MAZ: variants seen among roughly 807,000 people sequenced by gnomAD.
MAZ encodes the protein MYC associated zinc finger protein, also known as myc-associated zinc finger protein.
A neutral mutation model predicts 32.7 loss-of-function variants in MAZ; 4 were observed. The ratio of observed to expected loss-of-function variants is 0.12; its 90% CI spans 0.06 to 0.28. The LOEUF is 0.28. Among genes scored for constraint, MAZ ranks in the 10% least tolerant of loss-of-function variants. MAZ has a pLI of 1.00. For synonymous variants in MAZ, 510 were observed against 297.6 expected (o/e 1.71, Z -7.35); for missense variants, 763 against 667.2 (o/e 1.14, Z -1.58).
At position 29,807,558 on chromosome 16, in the gene MAZ, C is replaced by T. The variant is rs1028155115; in HGVS notation, c.773C>T (p.Ala258Val). The change falls in exon 2 of 5, where the codon GCC becomes GTC. Residue 258 changes from alanine to valine, a missense_variant. Ala to Val is a moderately conservative substitution (Grantham distance 64, BLOSUM62 0). Transcript: ENST00000322945. The stretch of plus-strand genomic sequence containing the variant: ...GAGGCGGGTGCCGGCGGCGGCGCTG[C>T]CGCAGTGGCCGCCGGTGGCGTGGTG... ...GGEAGAGGGAAAVAAGGVVTT... is the reference protein window; with the variant it reads ...GGEAGAGGGAVAVAAGGVVTT... 3.1e-6 allele frequency: 5 copies of T among 1,603,210 alleles called. No individual in the cohort carries two copies. Among genetic ancestry groups the T allele is most frequent in the African/African-American group, 2.7e-5 (2 of 74,438 alleles).
intron 4 of MAZ, 127 bp from the exon 5 acceptor site, chr16:29,809,950 T>C: frequency 6.8e-7 from 1 of 1,463,256 alleles, no homozygotes; most frequent in Non-Finnish European, 9.2e-7. Flanking sequence ...GGCTGAGGCC[T>C]CTGGGGTCCA....
Position 29,807,478 on chromosome 16 carries a change from G to GCCCCTGAGC in MAZ, c.695_703dup (p.Pro232_Ser234dup). ...GTGCTATGAAGATGCCGACCATGGTGCCCCTGAGCCTCCTGAGCGTGCCCC... is the reference window on the plus strand; with the variant it reads ...GTGCTATGAAGATGCCGACCATGGTGCCCCTGAGCCCCCTGAGCCTCCTGAGCGTGCCCC... On this transcript the variant is annotated inframe_insertion, in exon 2 of 5. Coordinates refer to ENST00000322945, the MANE Select transcript of MAZ (RefSeq NM_002383.4). 1 of 1,612,294 alleles carries GCCCCTGAGC rather than the reference G, an allele frequency of 6.2e-7. No individual in the cohort carries two copies. Among genetic ancestry groups the GCCCCTGAGC allele is most frequent in the Non-Finnish European group, 8.5e-7 (1 of 1,179,706 alleles).
intron 3 of MAZ, 65 bp downstream of exon 3, chr16:29,808,358 T>G: frequency 6.8e-7 from 1 of 1,461,088 alleles, no homozygotes; most frequent in Non-Finnish European, 9.6e-7. Context: ...GCTGTCTGAG[T>G]CAGTCTCTCA....
Position 29,806,552 on chromosome 16 carries a change from C to T in MAZ, c.-150C>T. ...CCCTCTTTTCCTCCCTCCCGCCGGC[C>T]GGGGTGCGCGGGCGGCGGGGCGGCC... On this transcript the variant is annotated 5_prime_UTR_variant, in exon 1 of 5. Transcript: ENST00000322945. 1 of 902,478 alleles carries T rather than the reference C, an allele frequency of 1.1e-6. No homozygotes were observed. The highest frequency in any genetic ancestry group is 1.3e-6 in the Non-Finnish European group (1 of 761,694). The allele number at this position is 902,478 out of a possible 1,614,324, so 55.9% of individuals were successfully genotyped here.
chr16:29,807,397 T>C lies in MAZ; in HGVS notation c.612T>C (p.Asn204=), dbSNP rs1488363272. ...LCAKEFKNGY[N]LRRHEAIHTG... is the part of the protein sequence containing the mutation. ...CCAAGGAGTTCAAGAACGGCTACAA[T>C]CTCCGGAGGCACGAAGCCATCCACA... Residue 204 remains asparagine (N), a synonymous_variant, in exon 2 of 5, where the codon AAT becomes AAC. Transcript: ENST00000322945. 6.2e-7 allele frequency: 1 copy of C among 1,612,094 alleles called. No homozygotes were observed. The highest frequency in any genetic ancestry group is 1.7e-5 in the Admixed American group (1 of 60,000).
chr16:29,808,185 G>A, intron 2 of MAZ, 45 bp from the exon 3 acceptor site: 1 of 1,548,376 alleles, frequency 6.5e-7, no homozygotes, highest in Non-Finnish European at 8.9e-7. Context: ...GGTGGATTTG[G>A]GGCGCACCAC....
In MAZ at chr16:29,808,215, C is replaced by T; in HGVS notation, c.1044-15C>T. On this transcript the variant is annotated splice_polypyrimidine_tract_variant and intron_variant, in intron 2 of 4. Coordinates refer to ENST00000322945, the MANE Select transcript of MAZ (RefSeq NM_002383.4). ...CACCACCTCCGCCCTAACCCCAACCCCAACGTGTCCCCAGGCCGGATCACC... is the reference window on the plus strand; with the variant it reads ...CACCACCTCCGCCCTAACCCCAACCTCAACGTGTCCCCAGGCCGGATCACC... The T allele has an allele frequency of 6.2e-7, 1 of 1,613,394 alleles. No homozygotes were observed.
chr16:29,806,949 G>C (rs1899513140), intron 1 of MAZ, 29 bp from the exon 2 acceptor site: 1 of 1,131,776 alleles, frequency 8.8e-7, no homozygotes, highest in African/African-American at 1.7e-5. Context: ...GCCCGCACCC[G>C]CGGCCCACTC....
At position 29,810,618 on chromosome 16, in the gene MAZ, C is replaced by T. The variant is rs370477486; in HGVS notation, c.*387C>T. On this transcript the variant is annotated 3_prime_UTR_variant, in exon 5 of 5. Coordinates refer to ENST00000322945, the MANE Select transcript of MAZ (RefSeq NM_002383.4). ...CTTCTCTCCTTCCAGTCCTCTCCCC[C>T]TGCTGTCTGCAGCCCCTCCCCGGGG... The T allele has an allele frequency of 4.7e-6, 3 of 637,874 alleles. No individual in the cohort carries two copies. The highest frequency in any genetic ancestry group is 2.4e-4 in the Middle Eastern group (1 of 4,086). The allele number at this position is 637,874 out of a possible 1,614,324, so 39.5% of individuals were successfully genotyped here.
Position 29,809,778 on chromosome 16 carries a change from C to T in MAZ, c.1280-299C>T, listed in dbSNP as rs1320528954. 7.5e-6 allele frequency: 10 copies of T among 1,329,896 alleles called. No individual in the cohort carries two copies. In the Admixed American group the frequency reaches 2.1e-4, roughly 27 times the overall value. 82.4% of individuals were successfully genotyped at this position (1,329,896 alleles called of 1,614,324 possible). A position where few individuals can be genotyped will look rare whatever the true frequency, so the allele number is the denominator to read the frequency against. ...CGCACCCACCAGGCAAGGCGTGGGG[C>T]ATGGCTGGGGGGCGGGATGGGGGGT... On this transcript the variant is annotated intron_variant, in intron 4 of 4. Transcript: ENST00000322945.
At position 29,806,921 on chromosome 16, in the gene MAZ, G is replaced by T. The variant is rs760860266; in HGVS notation, c.192+28G>T. 3.2e-6 allele frequency: 4 copies of T among 1,258,364 alleles called. No individual in the cohort carries two copies. The African/African-American group carries it at 6.5e-5, about 21-fold the overall frequency. The allele number at this position is 1,258,364 out of a possible 1,614,324, so 77.9% of individuals were successfully genotyped here. ...GAGTAGGGCCGGCCGCGGCGGCCCG[G>T]GCTGGGGGGGGACGCCCGCCCGCAC... On this transcript the variant is annotated intron_variant, in intron 1 of 4. Transcript: ENST00000322945.
Position 29,810,134 on chromosome 16 carries a change from C to G in MAZ, c.1337C>G (p.Ala446Gly). ...GCGGCAGCGGCGGCAGCGGCAGCAG[C>G]GGCAGCAGTAGCAGCCCCTCCCACA... ...AAAAAAAAAAAAAVAAPPTAV... is the reference protein window; with the variant it reads ...AAAAAAAAAAGAAVAAPPTAV... Residue 446 changes from alanine to glycine, a missense_variant, in exon 5 of 5, where the codon GCG becomes GGG. Physicochemically the swap from Ala to Gly is moderately conservative, Grantham distance 60 (BLOSUM62 0). Transcript: ENST00000322945. 1.2e-6 allele frequency: 2 copies of G among 1,609,862 alleles called. No homozygotes were observed. Among genetic ancestry groups the G allele is most frequent in the Non-Finnish European group, 1.7e-6 (2 of 1,178,222 alleles).
At chr16:29,809,599 C>G (rs1458870175) in intron 4 of MAZ, 1 of 1,612,402 alleles carries the variant, frequency 6.2e-7, no homozygotes, top group East Asian at 2.2e-5. Flanking sequence ...GCTCCAGGCC[C>G]CGCGGGCTGA....
Position 29,807,099 on chromosome 16 carries a change from C to T in MAZ, c.314C>T (p.Ala105Val), listed in dbSNP as rs1423036978. ...SAAAAAAAAA[A>V]AAAVAAAPPA... ...GCGGCTGCTGCGGCCGCTGCCGCCG[C>T]TGCTGCCGCCGTCGCTGCCGCGCCC... Residue 105 changes from alanine (A) to valine (V), a missense_variant, in exon 2 of 5, where the codon GCT (alanine) becomes GTT (valine). Transcript: ENST00000322945. 7.0e-6 allele frequency: 7 copies of T among 1,006,394 alleles called. No homozygotes were observed. The highest frequency in any genetic ancestry group is 8.4e-6 in the Non-Finnish European group (7 of 837,904). 62.3% of individuals were successfully genotyped at this position (1,006,394 alleles called of 1,614,324 possible).
In MAZ at chr16:29,809,549, C is replaced by A. The variant is rs755212323; in HGVS notation, c.1280-528C>A. ...ATCCACCCCCCAATAGGCTTCACCA[C>A]GGCAGCATACCTGCGCATCCACGCG... On this transcript the variant is annotated intron_variant, in intron 4 of 4. Transcript: ENST00000322945. 4 of 1,609,802 alleles carry A rather than the reference C, an allele frequency of 2.5e-6. No individual in the cohort carries two copies. The highest frequency in any genetic ancestry group is 3.4e-6 in the Non-Finnish European group (4 of 1,178,244).
intron 4 of MAZ, chr16:29,809,511 C>T: frequency 1.4e-6 from 2 of 1,467,282 alleles, no homozygotes; most frequent in Non-Finnish European, 1.9e-6. Flanking sequence ...TGGCTGACCC[C>T]CGCCCCATCC....
chr16:29,807,961 G>A (rs781395451), intron 2 of MAZ, 133 bp downstream of exon 2: 1 of 1,451,382 alleles, frequency 6.9e-7, no homozygotes, highest in Non-Finnish European at 9.2e-7. Context: ...AGGGCGGAGG[G>A]AGGAAGCCTC....
chr16:29,807,002 C>T lies in MAZ; in HGVS notation c.217C>T (p.Pro73Ser). 1 of 1,009,216 alleles carries T rather than the reference C, an allele frequency of 9.9e-7. No individual in the cohort carries two copies. The highest frequency in any genetic ancestry group is 1.2e-6 in the Non-Finnish European group (1 of 848,824). 62.5% of individuals were successfully genotyped at this position (1,009,216 alleles called of 1,614,324 possible). ...GGCCGCGCCGGCGCCCCCGCCCACG[C>T]CCCAGGCCCCGGCGGCCGAGCCCCT... ...FQAAPAPPPT[P>S]QAPAAEPLQV... Residue 73 changes from proline to serine, a missense_variant, in exon 2 of 5, where the codon CCC becomes TCC. Pro to Ser is a moderately conservative substitution (Grantham distance 74, BLOSUM62 -1). Transcript: ENST00000322945.
At position 29,807,336 on chromosome 16, in the gene MAZ, C is replaced by T. The variant is rs766711492; in HGVS notation, c.551C>T (p.Thr184Ile). Residue 184 changes from threonine (T) to isoleucine (I), a missense_variant, in exon 2 of 5, where the codon ACA (threonine) becomes ATA (isoleucine). Thr to Ile is a moderately conservative substitution (Grantham distance 89). Coordinates refer to ENST00000322945, the MANE Select transcript of MAZ (RefSeq NM_002383.4). Reference protein sequence around the residue: ...APVASALEKKTKSKGPYICAL... With the variant: ...APVASALEKKIKSKGPYICAL... ...GTCGCGTCTGCCTTGGAGAAGAAGA[C>T]AAAGAGCAAGGGGCCCTACATCTGC... is the stretch of plus-strand genomic sequence containing the variant. 11 of 1,610,958 alleles carry T rather than the reference C, an allele frequency of 6.8e-6. No homozygotes were observed. The highest frequency in any genetic ancestry group is 4.4e-5 in the South Asian group (4 of 90,870).
Sources: gnomAD v4.1 joint callset for allele counts on GRCh38, gnomAD v4.1.1 for gene constraint, MANE v1.5 for transcripts, NCBI Gene and HGNC (gene_info 2026-07-23, HGNC 2026-07-21) for gene names.